PRKD3: variants seen among roughly 807,000 people sequenced by gnomAD.
The protein encoded by PRKD3 is serine/threonine-protein kinase D3.
PRKD3 carries 47 observed loss-of-function variants against 99.2 expected under a neutral mutation model. That is an observed-to-expected ratio of 0.47 (90% CI 0.38 to 0.60). PRKD3 has a LOEUF of 0.60. Among genes scored for constraint, PRKD3 ranks in the 20% least tolerant of loss-of-function variants. The probability of loss-of-function intolerance (pLI) is 0.00; values close to 1 mark genes in which losing one functional copy is unlikely to be tolerated. For synonymous variants in PRKD3, 392 were observed against 355.4 expected (o/e 1.10, Z -1.16); for missense variants, 1,019 against 1,088.4 (o/e 0.94, Z 0.90).
Position 37,286,374 on chromosome 2 carries a change from A to C in PRKD3, c.718-5T>G, listed in dbSNP as rs766832667. ...TGGTTCCTGGTGGACATGTGACTAT[A>C]ACATAAGTAATTTTCATAAGTGTAA... On this transcript the variant is annotated splice_polypyrimidine_tract_variant and splice_region_variant and intron_variant, in intron 5 of 18. Transcript: ENST00000234179. 3.7e-6 allele frequency: 6 copies of C among 1,611,332 alleles called. No individual in the cohort carries two copies. In the East Asian group the frequency reaches 1.1e-4, roughly 30 times the overall value.
Position 37,253,442 on chromosome 2 carries a change from G to C in PRKD3, c.2500-92C>G, listed in dbSNP as rs1572593930. The C allele has an allele frequency of 1.1e-5, 12 of 1,086,878 alleles. No homozygotes were observed. The East Asian group carries it at 1.5e-4, about 14-fold the overall frequency. 67.3% of individuals were successfully genotyped at this position (1,086,878 alleles called of 1,614,324 possible). On this transcript the variant is annotated intron_variant, in intron 18 of 18. Coordinates refer to ENST00000234179, the MANE Select transcript of PRKD3 (RefSeq NM_005813.6). ...TTGTGTTTTTTTTTGTTGTTGTTTAGTGCCCTAGTCAAATAATTGACAGGC... is the reference window on the plus strand; with the variant it reads ...TTGTGTTTTTTTTTGTTGTTGTTTACTGCCCTAGTCAAATAATTGACAGGC...
At chr2:37,261,245 G>C (rs1337563196) in intron 14 of PRKD3, among the ~76,000 whole-genome samples, 3 of 152,092 alleles carry the variant, frequency 2.0e-5, no homozygotes. Context: ...CCAGCACTTT[G>C]GGAAGCCGAG....
intron 1 of PRKD3, among the ~76,000 whole-genome samples, chr2:37,319,770 TCATG>T (rs1165782539): frequency 6.7e-6 from 1 of 150,232 alleles, no homozygotes; most frequent in African/African-American, 2.5e-5. Flanking sequence ...AAAAAAAAAA[TCATG>T]CACGCAAAGG....
At chr2:37,260,531 A>G in intron 14 of PRKD3, 147 bp from the exon 15 acceptor site, 1 of 775,604 alleles carries the variant, frequency 1.3e-6, no homozygotes, top group Non-Finnish European at 2.1e-6. Context: ...ACAATCAATG[A>G]AAAGGATCTT....
rs992988461 is a variant in PRKD3 at position 37,282,637 on chromosome 2, A to G, written c.911-18T>C. 15 of 1,535,236 alleles carry G rather than the reference A, an allele frequency of 9.8e-6. No individual in the cohort carries two copies. The highest frequency in any genetic ancestry group is 1.4e-5 in the African/African-American group (1 of 73,002). On this transcript the variant is annotated intron_variant, in intron 6 of 18. Transcript: ENST00000234179. Reference sequence around the variant, plus strand: ...TTTGCAATCTAAAATGAAAATATTCAGCATATTAATTTATGTAAAAGTCAA... The same window carrying G: ...TTTGCAATCTAAAATGAAAATATTCGGCATATTAATTTATGTAAAAGTCAA...
intron 2 of PRKD3, among the ~76,000 whole-genome samples, chr2:37,301,601 T>C (rs926268706): frequency 6.6e-6 from 1 of 152,130 alleles, no homozygotes; most frequent in Admixed American, 6.6e-5. Context: ...TCCTGGCCCT[T>C]AATTACATTT....
chr2:37,323,043 G>C (rs536982032), intron 1 of PRKD3, among the ~76,000 whole-genome samples: 1 of 151,676 alleles, frequency 6.6e-6, no homozygotes, highest in Non-Finnish European at 1.5e-5. Flanking sequence ...ATATTTTTCT[G>C]TATGTGGTGT....
At chr2:37,282,943 T>C (rs1318796566) in intron 6 of PRKD3, among the ~76,000 whole-genome samples, 1 of 152,208 alleles carries the variant, frequency 6.6e-6, no homozygotes, top group East Asian at 1.9e-4. Context: ...ATATGTCAGA[T>C]ACATACTTTC....
At chr2:37,267,008 T>G (rs1668889605) in intron 14 of PRKD3, among the ~76,000 whole-genome samples, 1 of 152,172 alleles carries the variant, frequency 6.6e-6, no homozygotes, top group African/African-American at 2.4e-5. Flanking sequence ...ATCTTTAAAA[T>G]ACGCCCCAAT....
chr2:37,285,479 T>C (rs747844959), intron 6 of PRKD3, among the ~76,000 whole-genome samples: 61 of 152,312 alleles, frequency 4.0e-4, no homozygotes, highest in Admixed American at 2.0e-3. Flanking sequence ...AGGGTGATTA[T>C]TCTCGGGAAT....
chr2:37,256,359 A>T (rs1279615852), intron 17 of PRKD3, among the ~76,000 whole-genome samples: 2 of 152,206 alleles, frequency 1.3e-5, no homozygotes, highest in Admixed American at 1.3e-4. Context: ...GGCAGTAGTG[A>T]CTAGGAAGGA....
intron 10 of PRKD3, among the ~76,000 whole-genome samples, chr2:37,275,089 A>C (rs1669499128): frequency 6.6e-6 from 1 of 152,208 alleles, no homozygotes; most frequent in South Asian, 2.1e-4. Flanking sequence ...TAATGGCAGA[A>C]AAAGCAGAAT....
At chr2:37,320,166 G>A (rs1482422054) in intron 1 of PRKD3, among the ~76,000 whole-genome samples, 1 of 152,124 alleles carries the variant, frequency 6.6e-6, no homozygotes, top group East Asian at 1.9e-4. Flanking sequence ...AAAGAAACAA[G>A]AATTTTAGAG....
intron 18 of PRKD3, 27 bp downstream of exon 18, chr2:37,254,177 C>T: frequency 6.5e-7 from 1 of 1,541,628 alleles, no homozygotes; most frequent in Non-Finnish European, 9.0e-7. Context: ...ATGAGGATTG[C>T]CAAAGAGAGA....
At chr2:37,277,756 G>T in intron 9 of PRKD3, 110 bp downstream of exon 9, 1 of 1,164,982 alleles carries the variant, frequency 8.6e-7, no homozygotes. Context: ...TTGCTGTGGT[G>T]TATATAATGT....
rs1444067341 is a variant in PRKD3 at position 37,269,433 on chromosome 2, A to G, written c.1777+182T>C. The G allele has an allele frequency of 1.5e-5, 9 of 584,808 alleles. No homozygotes were observed. In the East Asian group the frequency reaches 1.7e-4, roughly 11 times the overall value. 36.2% of individuals were successfully genotyped at this position (584,808 alleles called of 1,614,324 possible). ...ATTCTGTTAATTTTTAAAGTTTGCA[A>G]TGACATTAAGGGAAGAATACTCAAA... is the stretch of plus-strand genomic sequence containing the variant. On this transcript the variant is annotated intron_variant, in intron 13 of 18. Coordinates refer to ENST00000234179, the MANE Select transcript of PRKD3 (RefSeq NM_005813.6).
At chr2:37,268,241 G>T (rs779115906) in intron 13 of PRKD3, 45 of 456,718 alleles carry the variant, frequency 9.9e-5, no homozygotes, top group South Asian at 6.8e-4. Context: ...TGGCACAATC[G>T]TAAGTCTACT....
intron 2 of PRKD3, among the ~76,000 whole-genome samples, chr2:37,305,749 T>A (rs1252579624): frequency 6.6e-6 from 1 of 152,242 alleles, no homozygotes; most frequent in Non-Finnish European, 1.5e-5. Flanking sequence ...GGCTACCTAA[T>A]GAAGGCTTTG....
At chr2:37,267,836 GT>G in intron 13 of PRKD3, 1 of 284,864 alleles carries the variant, frequency 3.5e-6, no homozygotes, top group Non-Finnish European at 6.6e-6. Flanking sequence ...CCCTGACCTA[GT>G]CCTTCAGAGA....
Sources: gnomAD v4.1 joint callset for allele counts (sites outside exome capture counted in the v4.1 genomes callset) on GRCh38, gnomAD v4.1.1 for gene constraint, MANE v1.5 for transcripts, NCBI Gene and HGNC (gene_info 2026-07-23, HGNC 2026-07-21) for gene names.